The following SNX30 variants were observed in gnomAD, a reference collection of about 807,000 sequenced individuals.
SNX30 encodes sorting nexin-30.
SNX30 carries 24 observed loss-of-function variants against 46.4 expected under a neutral mutation model. The ratio of observed to expected loss-of-function variants is 0.52; its 90% confidence interval spans 0.37 to 0.73. The LOEUF (loss-of-function observed/expected upper bound fraction) is 0.73, where lower values mean the gene tolerates loss of function less well. Ranked by LOEUF, SNX30 falls within the 30% of genes least tolerant of loss-of-function variation. The pLI is 0.00. For missense variants in SNX30, 533 were observed against 555.7 expected (o/e 0.96, Z 0.41); for synonymous variants, 189 against 211.5 (o/e 0.89, Z 0.92).
intron 1 of SNX30, among the ~76,000 whole-genome samples, chr9:112,752,367 G>A (rs1839291378): frequency 6.6e-6 from 1 of 152,172 alleles, no homozygotes; most frequent in Non-Finnish European, 1.5e-5. Context: ...TGTAATACCA[G>A]CACTTTGGGA....
At chr9:112,878,252 C>T (rs1034304136), downstream of SNX30, 2 of 152,260 alleles carry the variant, frequency 1.3e-5, no homozygotes, top group South Asian at 2.1e-4. Context: ...TTATGTTATT[C>T]CTCCTTACCA....
At chr9:112,806,628 C>T (rs936451849) in intron 2 of SNX30, among the ~76,000 whole-genome samples, 1 of 152,104 alleles carries the variant, frequency 6.6e-6, no homozygotes, top group African/African-American at 2.4e-5. Context: ...AGTTGTGTTT[C>T]TTCATCTCTT....
chr9:112,824,953 A>G (rs925545477), intron 3 of SNX30, among the ~76,000 whole-genome samples: 1 of 151,944 alleles, frequency 6.6e-6, no homozygotes, highest in African/African-American at 2.4e-5. Flanking sequence ...CATTTTCATT[A>G]CCCCCAAAAG....
At chr9:112,749,973 A>G (rs1839238321), upstream of SNX30, among the ~76,000 whole-genome samples, 1 of 152,226 alleles carries the variant, frequency 6.6e-6, no homozygotes, top group Non-Finnish European at 1.5e-5. Context: ...AAGGGCTGGA[A>G]GTAACACCTT....
upstream of SNX30, chr9:112,750,585 C>T (rs1839247315): frequency 6.6e-6 from 1 of 152,534 alleles, no homozygotes; most frequent in African/African-American, 2.4e-5. Flanking sequence ...GCCGCAGAGG[C>T]CCAGGGCGCA....
rs559275543 is a variant in SNX30 at position 112,869,063 on chromosome 9, C to G, written c.*220C>G. ...AGGCTAGAATATCTCTCAGCAAGAG[C>G]AGCATACCTCCATGTTGTGAAGGCA... is the stretch of plus-strand genomic sequence containing the variant. On this transcript the variant is annotated 3_prime_UTR_variant, in exon 9 of 9. Coordinates refer to ENST00000374232, the MANE Select transcript of SNX30 (RefSeq NM_001012994.2). 6.9e-6 allele frequency: 4 copies of G among 579,254 alleles called. No individual in the cohort carries two copies. The highest frequency in any genetic ancestry group is 4.7e-4 in the Middle Eastern group (1 of 2,122). The allele number at this position is 579,254 out of a possible 1,614,324, so 35.9% of individuals were successfully genotyped here. A position where few individuals can be genotyped will look rare whatever the true frequency, so the allele number is the denominator to read the frequency against.
At chr9:112,768,650 T>C (rs2935475) in intron 1 of SNX30, among the ~76,000 whole-genome samples, 266 of 8,478 alleles carry the variant, frequency 0.031, 30 homozygotes, top group South Asian at 0.036. Flanking sequence ...CTTTCTTCTT[T>C]TTTTTTTTTT....
intron 4 of SNX30, among the ~76,000 whole-genome samples, chr9:112,832,489 T>A (rs199501969): frequency 0.81 from 110,152 of 135,434 alleles, 44,238 homozygotes; most frequent in South Asian, 0.86. Flanking sequence ...TGTGTGTGTG[T>A]GTGTGTGAGA....
At chr9:112,833,026 T>C (rs1840693435) in intron 4 of SNX30, among the ~76,000 whole-genome samples, 1 of 151,916 alleles carries the variant, frequency 6.6e-6, no homozygotes, top group African/African-American at 2.4e-5. Context: ...TTATCTTTTC[T>C]TTAAAAATTT....
chr9:112,759,115 C>T (rs1839400496), intron 1 of SNX30, among the ~76,000 whole-genome samples: 1 of 152,100 alleles, frequency 6.6e-6, no homozygotes, highest in South Asian at 2.1e-4. Context: ...ATCTTCCTGC[C>T]TCAACTTCCC....
At chr9:112,806,954 T>C (rs1225864608) in intron 2 of SNX30, among the ~76,000 whole-genome samples, 1 of 152,038 alleles carries the variant, frequency 6.6e-6, no homozygotes, top group Non-Finnish European at 1.5e-5. Context: ...TCTTTCAATC[T>C]CTGTCTAATT....
chr9:112,753,583 ATGTTGGCC>A, intron 1 of SNX30, among the ~76,000 whole-genome samples: 1 of 152,184 alleles, frequency 6.6e-6, no homozygotes, highest in Admixed American at 6.5e-5. Flanking sequence ...AGGTTTCGCC[ATGTTGGCC>A]AGGCTAGTCT....
chr9:112,772,731 G>A (rs556246369), intron 1 of SNX30, among the ~76,000 whole-genome samples: 1 of 152,280 alleles, frequency 6.6e-6, no homozygotes, highest in South Asian at 2.1e-4. Flanking sequence ...CGTAAGTTAT[G>A]AAAGCAATGT....
intron 8 of SNX30, among the ~76,000 whole-genome samples, chr9:112,867,128 C>T (rs1257886988): frequency 1.4e-5 from 2 of 147,600 alleles, no homozygotes; most frequent in African/African-American, 5.0e-5. Flanking sequence ...CTCAGAACTC[C>T]CCACCCCCTC....
intron 2 of SNX30, among the ~76,000 whole-genome samples, chr9:112,807,912 A>C (rs936096227): frequency 6.6e-6 from 1 of 152,184 alleles, no homozygotes; most frequent in Non-Finnish European, 1.5e-5. Flanking sequence ...AACGTTTTCC[A>C]AGTTCTAGCA....
intron 1 of SNX30, among the ~76,000 whole-genome samples, chr9:112,804,269 A>G (rs907158124): frequency 2.6e-5 from 4 of 152,002 alleles, no homozygotes; most frequent in African/African-American, 7.3e-5. Flanking sequence ...GGTTCAAGCA[A>G]TTCTCCTGCC....
At chr9:112,859,315 C>T (rs1841190213) in intron 7 of SNX30, among the ~76,000 whole-genome samples, 1 of 152,162 alleles carries the variant, frequency 6.6e-6, no homozygotes, top group Admixed American at 6.5e-5. Context: ...CACATACATA[C>T]ATACACATAC....
At position 112,764,921 on chromosome 9, in the gene SNX30, C is replaced by T. The variant is rs116822000; in HGVS notation, c.156+13764C>T. Among the ~76,000 whole-genome samples, 636 of 152,258 alleles carry T rather than the reference C, an allele frequency of 4.2e-3. 4 individuals carry two copies. Among genetic ancestry groups the T allele is most frequent in the African/African-American group, 0.014 (594 of 41,540 alleles). ...ATCGACGCAGGGGGAGTTGTGGCAG[C>T]GCGCCTCCCTCACATTGCACAGCTG... On this transcript the variant is annotated intron_variant, in intron 1 of 8. Transcript: ENST00000374232.
intron 2 of SNX30, among the ~76,000 whole-genome samples, chr9:112,817,067 TATAAC>T (rs1324177364): frequency 1.3e-5 from 2 of 152,214 alleles, no homozygotes; most frequent in Non-Finnish European, 2.9e-5. Context: ...CTGTCTAAAA[TATAAC>T]AGTTCCAGGG....
Sources: gnomAD v4.1 joint callset for allele counts (sites outside exome capture counted in the v4.1 genomes callset) on GRCh38, gnomAD v4.1.1 for gene constraint, MANE v1.5 for transcripts, NCBI Gene and HGNC (gene_info 2026-07-23, HGNC 2026-07-21) for gene names.